The following VIT variants were observed in gnomAD, a reference collection of about 807,000 sequenced individuals.
VIT encodes vitrin.
VIT carries 99 observed loss-of-function variants against 78.0 expected under a neutral mutation model. The ratio of observed to expected loss-of-function variants is 1.27; its 90% CI spans 1.08 to 1.50. The LOEUF is 1.50. VIT is among the 40% of genes most tolerant of loss of function. The pLI is 0.00. For synonymous variants in VIT, 374 were observed against 334.3 expected (o/e 1.12, Z -1.29); for missense variants, 1,126 against 875.3 (o/e 1.29, Z -3.61).
intron 3 of VIT, among the ~76,000 whole-genome samples, chr2:36,731,314 G>T (rs962465349): frequency 6.6e-6 from 1 of 151,636 alleles, no homozygotes; most frequent in Non-Finnish European, 1.5e-5. Flanking sequence ...TCACTCTGTC[G>T]CCAGGCTGGA....
Position 36,701,172 on chromosome 2 carries a change from C to G in VIT, c.-19+4199C>G, listed in dbSNP as rs10178910. Among the ~76,000 whole-genome samples the G allele has an allele frequency of 7.8e-3, 1,184 of 151,714 alleles. 18 individuals are homozygous for G. Among genetic ancestry groups the G allele is most frequent in the African/African-American group, 0.025 (1,042 of 41,328 alleles). On this transcript the variant is annotated intron_variant, in intron 1 of 15. Transcript: ENST00000379242. ...TAATAACAGTGGAGAGGCGTGGAGGCAAGGAACTCACAGGGGAAGTTTTGT... is the reference window on the plus strand; with the variant it reads ...TAATAACAGTGGAGAGGCGTGGAGGGAAGGAACTCACAGGGGAAGTTTTGT...
intron 2 of VIT, among the ~76,000 whole-genome samples, chr2:36,727,389 T>C (rs1378201907): frequency 2.6e-5 from 4 of 152,126 alleles, no homozygotes; most frequent in African/African-American, 9.7e-5. Context: ...TATTTGGAGA[T>C]TGGCCATCTG....
chr2:36,755,722 T>G (rs553726407), intron 5 of VIT, among the ~76,000 whole-genome samples: 1 of 152,344 alleles, frequency 6.6e-6, no homozygotes, highest in East Asian at 1.9e-4. Context: ...TTTCTAATTC[T>G]GTCATTCCTT....
intron 6 of VIT, among the ~76,000 whole-genome samples, chr2:36,760,186 G>A (rs947104188): frequency 2.6e-5 from 4 of 151,854 alleles, no homozygotes; most frequent in African/African-American, 9.7e-5. Context: ...GTAGAGACGG[G>A]GTTTCACCAT....
At chr2:36,759,806 T>A (rs1668995667) in intron 6 of VIT, 8 of 436,088 alleles carry the variant, frequency 1.8e-5, no homozygotes, top group African/African-American at 2.2e-5. Context: ...TAGCATTTAT[T>A]GAGCATTTGC....
chr2:36,719,650 T>C (rs746811282), intron 2 of VIT, among the ~76,000 whole-genome samples: 89 of 152,158 alleles, frequency 5.8e-4, no homozygotes, highest in Middle Eastern at 3.2e-3. Context: ...TTATAAAACG[T>C]TGATGAGGCC....
chr2:36,721,839 G>A (rs115455811), intron 2 of VIT, among the ~76,000 whole-genome samples: 206 of 152,174 alleles, frequency 1.4e-3, no homozygotes, highest in African/African-American at 4.9e-3. Context: ...CTTTAGGTTG[G>A]GCCATCTTCC....
intron 5 of VIT, among the ~76,000 whole-genome samples, chr2:36,755,719 T>C (rs946792843): frequency 2.0e-5 from 3 of 152,238 alleles, no homozygotes; most frequent in Non-Finnish European, 4.4e-5. Context: ...TTTTTTCTAA[T>C]TCTGTCATTC....
chr2:36,790,927 A>G (rs918396302), intron 12 of VIT, among the ~76,000 whole-genome samples: 10 of 152,076 alleles, frequency 6.6e-5, no homozygotes, highest in African/African-American at 2.4e-4. Context: ...CAGGCAAGCC[A>G]TTAGGTGAAC....
intron 8 of VIT, 133 bp from the exon 9 acceptor site, chr2:36,774,869 A>C (rs919070977): frequency 5.4e-6 from 8 of 1,475,466 alleles, no homozygotes; most frequent in East Asian, 2.4e-5. Flanking sequence ...CCAGAAGTAC[A>C]ACCAGGCACA....
intron 12 of VIT, among the ~76,000 whole-genome samples, chr2:36,787,615 C>A (rs1665194845): frequency 6.6e-6 from 1 of 152,234 alleles, no homozygotes; most frequent in South Asian, 2.1e-4. Flanking sequence ...CTTCGCCTCT[C>A]TGATTGTCAG....
At chr2:36,747,621 C>T (rs928950572) in intron 4 of VIT, among the ~76,000 whole-genome samples, 2 of 152,044 alleles carry the variant, frequency 1.3e-5, no homozygotes, top group Non-Finnish European at 2.9e-5. Flanking sequence ...TTTCTTCATC[C>T]CTTTACTTTG....
intron 15 of VIT, 72 bp downstream of exon 15, chr2:36,809,057 A>G: frequency 6.6e-7 from 1 of 1,508,440 alleles, no homozygotes; most frequent in Non-Finnish European, 8.9e-7. Context: ...TGGGACAAGG[A>G]AGGTATTGTC....
At chr2:36,773,594 A>G (rs868160915) in intron 7 of VIT, among the ~76,000 whole-genome samples, 197 bp from the exon 8 acceptor site, 92 of 152,210 alleles carry the variant, frequency 6.0e-4, no homozygotes, top group African/African-American at 2.2e-3. Flanking sequence ...AGTTGAGCCT[A>G]GTGGTACGCA....
chr2:36,788,685 G>C (rs1665272192), intron 12 of VIT, among the ~76,000 whole-genome samples: 1 of 152,206 alleles, frequency 6.6e-6, no homozygotes, highest in Non-Finnish European at 1.5e-5. Flanking sequence ...ATGGATGACA[G>C]GTTTTACTAG....
At chr2:36,697,079 G>GACTGTA (rs1664725286) in intron 1 of VIT, 106 bp downstream of exon 1, 1 of 151,928 alleles carries the variant, frequency 6.6e-6, no homozygotes, top group African/African-American at 2.4e-5. Context: ...GACCGAGTAA[G>GACTGTA]CAAATTTCAG....
chr2:36,754,959 G>A lies in VIT; in HGVS notation c.314G>A (p.Arg105Gln), dbSNP rs188984107. 68 of 1,614,044 alleles carry A rather than the reference G, an allele frequency of 4.2e-5. No individual in the cohort carries two copies. In the Middle Eastern group the frequency reaches 9.9e-4, roughly 23 times the overall value. The change falls in exon 5 of 16, where the codon CGG becomes CAG. Residue 105 changes from arginine (R) to glutamine (Q), a missense_variant. Physicochemically the swap from Arg to Gln is conservative, Grantham distance 43 (BLOSUM62 1). Coordinates refer to ENST00000379242, the MANE Select transcript of VIT (RefSeq NM_053276.4). ...LDNSGGKILVRKVAGQSGYKG... is the reference protein window; with the variant it reads ...LDNSGGKILVQKVAGQSGYKG... ...AATTCAGGAGGGAAAATACTTGTTC[G>A]GAAGGTTGCTGGACAGTCTGGTTAC...
At chr2:36,713,769 G>C (rs1665957402) in intron 1 of VIT, among the ~76,000 whole-genome samples, 1 of 152,196 alleles carries the variant, frequency 6.6e-6, no homozygotes, top group South Asian at 2.1e-4. Flanking sequence ...GAGAAGTCAA[G>C]GATAACTCGG....
rs191973476 is a variant in VIT at position 36,729,480 on chromosome 2, G to C, written c.107G>C (p.Arg36Thr). 6.2e-7 allele frequency: 1 copy of C among 1,608,974 alleles called. No individual in the cohort carries two copies. The change falls in exon 3 of 16, where the codon AGG becomes ACG. Residue 36 changes from arginine (R) to threonine (T), a missense_variant. By Grantham distance (71) the Arg-to-Thr change is moderately conservative. Coordinates refer to ENST00000379242, the MANE Select transcript of VIT (RefSeq NM_053276.4). ...SNKETAKKIKRPKFTVPQINC... is the reference protein window; with the variant it reads ...SNKETAKKIKTPKFTVPQINC... ...AAAGAAACGGCAAAGAAGATTAAAA[G>C]GCCCAAGTTCAGTAAGTAAAATCAC... is the stretch of plus-strand genomic sequence containing the variant.
Sources: gnomAD v4.1 joint callset for allele counts (sites outside exome capture counted in the v4.1 genomes callset) on GRCh38, gnomAD v4.1.1 for gene constraint, MANE v1.5 for transcripts, NCBI Gene and HGNC (gene_info 2026-07-23, HGNC 2026-07-21) for gene names.